Variants in SNTG1 observed in about 807,000 individuals in gnomAD.
SNTG1 encodes syntrophin gamma 1, also known as gamma-1-syntrophin.
Under a neutral mutation model 74.7 loss-of-function variants are expected in SNTG1, and 39 were observed. That is an observed-to-expected ratio of 0.52 (90% CI 0.40 to 0.68). SNTG1 has a LOEUF of 0.68. Ranked by LOEUF, SNTG1 falls within the 30% of genes least tolerant of loss-of-function variation. SNTG1 has a pLI of 0.00. For missense variants in SNTG1, 685 were observed against 609.5 expected (o/e 1.12, Z -1.30); for synonymous variants, 254 against 217.1 (o/e 1.17, Z -1.49).
chr8:49,962,029 C>A (rs574441008), intron 1 of SNTG1, among the ~76,000 whole-genome samples: 1 of 152,186 alleles, frequency 6.6e-6, no homozygotes, highest in Non-Finnish European at 1.5e-5. Context: ...CCAGCTTCCC[C>A]TCTGCTCCCA....
intron 1 of SNTG1, among the ~76,000 whole-genome samples, chr8:49,912,852 A>G (rs1256761296): frequency 6.6e-6 from 1 of 152,228 alleles, no homozygotes; most frequent in African/African-American, 2.4e-5. Flanking sequence ...AGAAAGCAGA[A>G]AATGAGAAGC....
At chr8:50,653,479 C>CTGCT (rs1426512116) in intron 13 of SNTG1, among the ~76,000 whole-genome samples, 3 of 152,108 alleles carry the variant, frequency 2.0e-5, no homozygotes, top group African/African-American at 7.2e-5. Context: ...TTCTATTTAC[C>CTGCT]TGCTATATAA....
At chr8:50,187,881 A>T (rs1234439869) in intron 2 of SNTG1, among the ~76,000 whole-genome samples, 1 of 152,204 alleles carries the variant, frequency 6.6e-6, no homozygotes, top group Non-Finnish European at 1.5e-5. Context: ...ACAACCAGGC[A>T]GCTGGCTGAT....
chr8:50,602,243 G>T (rs1283485647), intron 13 of SNTG1, among the ~76,000 whole-genome samples: 1 of 149,918 alleles, frequency 6.7e-6, no homozygotes, highest in Admixed American at 6.6e-5. Context: ...TTATCTGGTG[G>T]TATGATTTAA....
chr8:50,678,064 C>A (rs868736844), intron 15 of SNTG1, among the ~76,000 whole-genome samples: 5 of 151,590 alleles, frequency 3.3e-5, no homozygotes, highest in Middle Eastern at 6.8e-3. Context: ...ATGTAACAAA[C>A]CTGCACTTTC....
At chr8:50,551,830 T>C (rs1251148002) in intron 11 of SNTG1, among the ~76,000 whole-genome samples, 1 of 152,270 alleles carries the variant, frequency 6.6e-6, no homozygotes. Flanking sequence ...GTCCAAGATA[T>C]GAGAACCAGT....
chr8:50,266,674 G>A (rs375972911), intron 2 of SNTG1, among the ~76,000 whole-genome samples: 78,162 of 137,368 alleles, frequency 0.57, 25,153 homozygotes, highest in East Asian at 0.84. Context: ...GTGTGTGTGT[G>A]TGTGTGTGTG....
At chr8:50,723,848 T>C (rs2095493487) in intron 17 of SNTG1, among the ~76,000 whole-genome samples, 1 of 152,092 alleles carries the variant, frequency 6.6e-6, no homozygotes, top group East Asian at 1.9e-4. Flanking sequence ...TTAGTAGTTT[T>C]GCAGGAAAAG....
chr8:49,962,391 C>T (rs773704800), intron 1 of SNTG1, among the ~76,000 whole-genome samples: 1 of 151,502 alleles, frequency 6.6e-6, no homozygotes, highest in Non-Finnish European at 1.5e-5. Context: ...GAGTAACACA[C>T]ACATACATGC....
At chr8:49,972,680 C>A (rs1440735160) in intron 1 of SNTG1, among the ~76,000 whole-genome samples, 3 of 136,564 alleles carry the variant, frequency 2.2e-5, no homozygotes, top group Non-Finnish European at 3.2e-5. Flanking sequence ...GAAAAAAAAA[C>A]AACCCCATCA....
chr8:50,540,541 T>C (rs1005401850), intron 11 of SNTG1, among the ~76,000 whole-genome samples: 2 of 152,184 alleles, frequency 1.3e-5, no homozygotes, highest in Non-Finnish European at 2.9e-5. Context: ...ATCCTCTGCA[T>C]CATTCATGAT....
At chr8:50,086,376 G>A (rs1822887419) in intron 1 of SNTG1, among the ~76,000 whole-genome samples, 1 of 152,100 alleles carries the variant, frequency 6.6e-6, no homozygotes, top group Non-Finnish European at 1.5e-5. Flanking sequence ...TCATTAGGAA[G>A]GATTATGGAC....
At chr8:50,206,349 T>G (rs1468378744) in intron 2 of SNTG1, among the ~76,000 whole-genome samples, 2 of 152,210 alleles carry the variant, frequency 1.3e-5, no homozygotes, top group African/African-American at 2.4e-5. Context: ...GGGAGTTCAC[T>G]CTTTATTTGG....
intron 12 of SNTG1, among the ~76,000 whole-genome samples, chr8:50,586,057 TC>T (rs1191498418): frequency 1.3e-5 from 2 of 152,154 alleles, no homozygotes; most frequent in African/African-American, 4.8e-5. Context: ...CCAGCCTGAT[TC>T]ACACATGATT....
chr8:50,044,002 A>T (rs975698171), intron 1 of SNTG1, among the ~76,000 whole-genome samples: 1 of 152,212 alleles, frequency 6.6e-6, no homozygotes, highest in East Asian at 1.9e-4. Context: ...CACTAATCAC[A>T]TAAAACTTTA....
At chr8:50,717,415 A>T (rs1316185043) in intron 17 of SNTG1, among the ~76,000 whole-genome samples, 1 of 152,218 alleles carries the variant, frequency 6.6e-6, no homozygotes, top group Admixed American at 6.5e-5. Context: ...CATGAATTGA[A>T]TGGGAATGAT....
intron 1 of SNTG1, among the ~76,000 whole-genome samples, chr8:49,951,210 A>G (rs1021369145): frequency 1.6e-4 from 24 of 152,234 alleles, no homozygotes; most frequent in Admixed American, 6.5e-4. Flanking sequence ...CTCTTATGCT[A>G]CGGAAAATAC....
intron 2 of SNTG1, among the ~76,000 whole-genome samples, chr8:50,316,338 C>G (rs1251813834): frequency 6.6e-6 from 1 of 152,136 alleles, no homozygotes; most frequent in East Asian, 1.9e-4. Context: ...CGTGTGACCA[C>G]AATCATGTCT....
In SNTG1 at chr8:50,663,605, C is replaced by T. The variant is rs192402830; in HGVS notation, c.1038+4942C>T. 2.2e-3 allele frequency among the ~76,000 whole-genome samples: 340 copies of T among 152,230 alleles called. 2 individuals are homozygous for T. The highest frequency in any genetic ancestry group is 0.01 in the Middle Eastern group (3 of 294). On this transcript the variant is annotated intron_variant, in intron 15 of 18. Transcript: ENST00000642720. ...TAGCCTGAGCTGTAACTCCCTAACA[C>T]GGCACTGTAGTGGTGCATGGCTGGA...
Sources: gnomAD v4.1 joint callset for allele counts (sites outside exome capture counted in the v4.1 genomes callset) on GRCh38, gnomAD v4.1.1 for gene constraint, MANE v1.5 for transcripts, NCBI Gene and HGNC (gene_info 2026-07-23, HGNC 2026-07-21) for gene names.